The following ITGA11 variants were observed in gnomAD, a reference collection of about 807,000 sequenced individuals.
The protein encoded by ITGA11 is integrin subunit alpha 11.
In ITGA11, 97 loss-of-function variants were observed where a neutral mutation model predicts 141.9. The observed-to-expected ratio is 0.68, with a 90% CI of 0.58 to 0.81. ITGA11 has a LOEUF of 0.81. ITGA11 is among the 30% of genes least tolerant of loss of function. The pLI is 0.00. For synonymous variants in ITGA11, 658 were observed against 624.6 expected (o/e 1.05, Z -0.80); for missense variants, 1,387 against 1,559.2 (o/e 0.89, Z 1.86).
At chr15:68,421,601 C>T (rs368893270) in intron 1 of ITGA11, among the ~76,000 whole-genome samples, 7 of 151,270 alleles carry the variant, frequency 4.6e-5, no homozygotes, top group African/African-American at 1.5e-4. Context: ...CCTGACCCCT[C>T]GTGTAACCTG....
At position 68,333,846 on chromosome 15, in the gene ITGA11, A is replaced by C. The variant is rs529935388; in HGVS notation, c.1426-1368T>G. 9.2e-5 allele frequency among the ~76,000 whole-genome samples: 14 copies of C among 152,252 alleles called. No individual in the cohort carries two copies. The highest frequency in any genetic ancestry group is 3.4e-4 in the African/African-American group (14 of 41,544). On this transcript the variant is annotated intron_variant, in intron 12 of 29. Transcript: ENST00000315757. This position sits in a 1 kb window ranked among gnomAD's most constrained non-coding sequence, Gnocchi z 4.2. ...CCCCACAAGCTCCTGCTCCCACTGCAGTGCTCCCGGGTCCTGCCAAACTGA... is the reference window on the plus strand; with the variant it reads ...CCCCACAAGCTCCTGCTCCCACTGCCGTGCTCCCGGGTCCTGCCAAACTGA...
intron 1 of ITGA11, among the ~76,000 whole-genome samples, chr15:68,413,652 G>C (rs1389385619): frequency 6.6e-6 from 1 of 152,154 alleles, no homozygotes; most frequent in Non-Finnish European, 1.5e-5. Context: ...TCTGTAAAAT[G>C]AGAGGCTCCT....
intron 2 of ITGA11, among the ~76,000 whole-genome samples, chr15:68,380,418 C>A (rs1895830949): frequency 6.6e-6 from 1 of 152,162 alleles, no homozygotes; most frequent in Admixed American, 6.5e-5. Flanking sequence ...AATTAATGAG[C>A]ACTTGCTATG....
intron 1 of ITGA11, among the ~76,000 whole-genome samples, chr15:68,415,238 G>A (rs949293808): frequency 6.6e-6 from 1 of 152,154 alleles, no homozygotes; most frequent in African/African-American, 2.4e-5. Flanking sequence ...CTCATCTCTG[G>A]ATGTGTCTCT....
chr15:68,395,943 C>G (rs952410982), intron 2 of ITGA11, among the ~76,000 whole-genome samples: 1 of 151,424 alleles, frequency 6.6e-6, no homozygotes, highest in African/African-American at 2.4e-5. Context: ...AGATGCTGTA[C>G]TAGTGGATTA....
At chr15:68,410,607 C>T (rs1896751820) in intron 1 of ITGA11, among the ~76,000 whole-genome samples, 2 of 152,230 alleles carry the variant, frequency 1.3e-5, no homozygotes, top group Non-Finnish European at 2.9e-5. Context: ...CTCTGCATTG[C>T]TGCCCCTTTT....
At chr15:68,351,458 C>T in intron 7 of ITGA11, 56 bp from the exon 8 acceptor site, 1 of 1,580,330 alleles carries the variant, frequency 6.3e-7, no homozygotes, top group South Asian at 1.1e-5. Context: ...TGGGGCAGCC[C>T]CTGACGCTCC....
intron 24 of ITGA11, 112 bp downstream of exon 24, chr15:68,312,661 A>C: frequency 1.4e-6 from 1 of 739,304 alleles, no homozygotes; most frequent in Non-Finnish European, 2.3e-6. Context: ...GGTGGGTGGC[A>C]GGGTTGAGGC....
intron 19 of ITGA11, among the ~76,000 whole-genome samples, 163 bp from the exon 20 acceptor site, chr15:68,320,555 A>G (rs896959344): frequency 5.9e-5 from 9 of 152,154 alleles, no homozygotes; most frequent in Non-Finnish European, 1.2e-4. Flanking sequence ...GCAGGGCTGG[A>G]AAGAGCTCAC....
At chr15:68,345,626 G>A (rs909435202) in intron 10 of ITGA11, among the ~76,000 whole-genome samples, 7 of 152,210 alleles carry the variant, frequency 4.6e-5, no homozygotes, top group African/African-American at 7.2e-5. Context: ...AAACAGGCCC[G>A]GGGAAGCCCC....
chr15:68,311,352 T>C lies in ITGA11; in HGVS notation c.3025A>G (p.Ile1009Val), dbSNP rs1893377742. Residue 1009 changes from isoleucine to valine, a missense_variant, in exon 25 of 30, where the codon ATT becomes GTT. Transcript: ENST00000315757. ...TTGCCGCTCCTGGTGGCGATGGGAA[T>C]GGTGATCTTCATCATCATCCCGTGG... ...PIHGMMMKIT[I>V]PIATRSGNRL... is the part of the protein sequence containing the mutation. The C allele has an allele frequency of 6.3e-7, 1 of 1,578,474 alleles. No individual in the cohort carries two copies. Among genetic ancestry groups the C allele is most frequent in the Middle Eastern group, 1.7e-4 (1 of 5,902 alleles).
At chr15:68,393,582 A>G (rs993640951) in intron 2 of ITGA11, among the ~76,000 whole-genome samples, 1 of 152,174 alleles carries the variant, frequency 6.6e-6, no homozygotes, top group African/African-American at 2.4e-5. Flanking sequence ...GTGCTAAAAG[A>G]AAAACTAGAT....
intron 1 of ITGA11, among the ~76,000 whole-genome samples, chr15:68,407,469 A>G (rs1327293981): frequency 1.3e-5 from 2 of 152,230 alleles, no homozygotes; most frequent in East Asian, 3.9e-4. Context: ...GCCTCCTTTT[A>G]TGGTAGATGG....
intron 5 of ITGA11, among the ~76,000 whole-genome samples, chr15:68,361,244 TC>T (rs759953171): frequency 1.3e-5 from 2 of 152,136 alleles, no homozygotes; most frequent in Non-Finnish European, 2.9e-5. Flanking sequence ...AGTGAACAAT[TC>T]CCCCAGAATT....
chr15:68,395,618 A>G (rs1896213944), intron 2 of ITGA11, among the ~76,000 whole-genome samples: 1 of 136,076 alleles, frequency 7.3e-6, no homozygotes, highest in Admixed American at 7.5e-5. Flanking sequence ...AGGTTAGAGA[A>G]GAAAGAGTAA....
intron 11 of ITGA11, among the ~76,000 whole-genome samples, chr15:68,337,790 C>T (rs1894415282): frequency 6.6e-6 from 1 of 152,200 alleles, no homozygotes; most frequent in African/African-American, 2.4e-5. Flanking sequence ...TACAGTCTAT[C>T]CCAACCTTCC....
intron 19 of ITGA11, 112 bp from the exon 20 acceptor site, chr15:68,320,504 G>T (rs1049382735): frequency 2.6e-6 from 2 of 777,114 alleles, no homozygotes; most frequent in Non-Finnish European, 4.2e-6. Flanking sequence ...ACTGGCCTCT[G>T]CTCATGGGAA....
Position 68,304,005 on chromosome 15 carries a change from CAG to C in ITGA11, c.3382-122_3382-121del, listed in dbSNP as rs1893113553. Reference sequence around the variant, plus strand: ...GGTGGGGGAGCTGCATCCTCTTCCTCAGGGGGATACCAGAGGGATGGGTGGAC... The same window carrying C: ...GGTGGGGGAGCTGCATCCTCTTCCTCGGGGATACCAGAGGGATGGGTGGAC... On this transcript the variant is annotated intron_variant, in intron 28 of 29. Transcript: ENST00000315757. The surrounding 1 kb of genome is among the most constrained non-coding windows in gnomAD (Gnocchi z 6.1). The C allele has an allele frequency of 1.1e-5, 7 of 625,418 alleles. No individual in the cohort carries two copies. In the East Asian group the frequency reaches 1.5e-4, roughly 13 times the overall value. The allele number at this position is 625,418 out of a possible 1,614,324, so 38.7% of individuals were successfully genotyped here.
chr15:68,353,555 A>G (rs1430959793), intron 7 of ITGA11, among the ~76,000 whole-genome samples: 1 of 152,254 alleles, frequency 6.6e-6, no homozygotes. Context: ...TCATATTTCC[A>G]TAGAGTGGAA....
Sources: gnomAD v4.1 joint callset for allele counts (sites outside exome capture counted in the v4.1 genomes callset) on GRCh38, gnomAD v4.1.1 for gene constraint, Gnocchi (gnomAD v3.1) non-coding constraint, MANE v1.5 for transcripts, NCBI Gene and HGNC (gene_info 2026-07-23, HGNC 2026-07-21) for gene names.